CCDC85A: variants seen among roughly 807,000 people sequenced by gnomAD.
The protein encoded by CCDC85A is coiled-coil domain containing 85A, also known as coiled-coil domain-containing protein 85A.
CCDC85A carries 38 observed loss-of-function variants against 50.2 expected under a neutral mutation model. The observed-to-expected ratio is 0.76, with a 90% CI of 0.58 to 0.99. The LOEUF is 0.99. Among genes scored for constraint, CCDC85A ranks in the 50% least tolerant of loss-of-function variants. The pLI is 0.00. For synonymous variants in CCDC85A, 366 were observed against 301.4 expected (o/e 1.21, Z -2.22); for missense variants, 820 against 742.0 (o/e 1.11, Z -1.22).
chr2:56,233,355 G>A (rs1007153764), intron 2 of CCDC85A, among the ~76,000 whole-genome samples: 33 of 152,126 alleles, frequency 2.2e-4, no homozygotes, highest in East Asian at 1.9e-4. Context: ...TACCTTCCTT[G>A]TCTCATCCTT....
intron 3 of CCDC85A, among the ~76,000 whole-genome samples, chr2:56,351,379 G>T (rs10166224): frequency 0.034 from 5,072 of 147,940 alleles, 142 homozygotes; most frequent in African/African-American, 0.11. Flanking sequence ...TAATGGGATG[G>T]CTGGGTCAAA....
intron 2 of CCDC85A, among the ~76,000 whole-genome samples, chr2:56,276,217 C>T (rs1387446238): frequency 1.3e-5 from 2 of 152,060 alleles, no homozygotes; most frequent in Non-Finnish European, 2.9e-5. Flanking sequence ...AGGAATATGG[C>T]AATTTCAGGA....
At chr2:56,332,586 T>C (rs549190807) in intron 2 of CCDC85A, among the ~76,000 whole-genome samples, 48 of 152,214 alleles carry the variant, frequency 3.2e-4, no homozygotes, top group South Asian at 1.0e-3. Flanking sequence ...ACTCAGGCCA[T>C]AGCACTCCCC....
chr2:56,352,081 A>G (rs1268608497), intron 3 of CCDC85A, among the ~76,000 whole-genome samples: 1 of 152,152 alleles, frequency 6.6e-6, no homozygotes. Context: ...GGCACTTTTC[A>G]TTTAAAAGTT....
chr2:56,270,384 G>A (rs1287140736), intron 2 of CCDC85A, among the ~76,000 whole-genome samples: 1 of 152,154 alleles, frequency 6.6e-6, no homozygotes, highest in African/African-American at 2.4e-5. Context: ...CATGTAGAAT[G>A]TTGCCACTAG....
intron 2 of CCDC85A, among the ~76,000 whole-genome samples, chr2:56,193,816 A>G (rs1289023261): frequency 6.6e-6 from 1 of 152,198 alleles, no homozygotes; most frequent in African/African-American, 2.4e-5. Context: ...GTTTCCTACC[A>G]GAGCTTGTTT....
chr2:56,291,463 A>G (rs1671699414), intron 2 of CCDC85A, among the ~76,000 whole-genome samples: 1 of 152,232 alleles, frequency 6.6e-6, no homozygotes, highest in African/African-American at 2.4e-5. Context: ...CAGAGAAAAT[A>G]GCAGTGTGGG....
At chr2:56,284,085 T>C (rs185217129) in intron 2 of CCDC85A, among the ~76,000 whole-genome samples, 6 of 152,278 alleles carry the variant, frequency 3.9e-5, no homozygotes, top group Non-Finnish European at 7.4e-5. Flanking sequence ...ATTCATTACT[T>C]TCTATTTCCC....
rs1460920337 is a variant in CCDC85A at position 56,297,036 on chromosome 2, A to G, written c.1241-45843A>G. ...ATTGTATATCGGGGTTAGTCATTTC[A>G]TTCTGAGTTCTGAAAAATGAACATG... On this transcript the variant is annotated intron_variant, in intron 2 of 5. Coordinates refer to ENST00000407595, the MANE Select transcript of CCDC85A (RefSeq NM_001080433.2). Among the ~76,000 whole-genome samples, 4 of 152,180 alleles carry G rather than the reference A, an allele frequency of 2.6e-5. No individual in the cohort carries two copies. The East Asian group carries it at 5.8e-4, about 22-fold the overall frequency.
At chr2:56,341,322 T>G (rs1445098308) in intron 2 of CCDC85A, among the ~76,000 whole-genome samples, 1 of 152,168 alleles carries the variant, frequency 6.6e-6, no homozygotes, top group Non-Finnish European at 1.5e-5. Flanking sequence ...TTGGGTTGAC[T>G]GCAACTAATT....
At chr2:56,325,759 T>G (rs534890043) in intron 2 of CCDC85A, among the ~76,000 whole-genome samples, 1 of 152,224 alleles carries the variant, frequency 6.6e-6, no homozygotes, top group African/African-American at 2.4e-5. Flanking sequence ...CTTGTGAAAT[T>G]TTTTGCACAC....
intron 2 of CCDC85A, among the ~76,000 whole-genome samples, chr2:56,296,306 T>C (rs1008545900): frequency 6.6e-6 from 1 of 152,192 alleles, no homozygotes; most frequent in African/African-American, 2.4e-5. Flanking sequence ...CTTTTTGCCC[T>C]ACTGTGCCAG....
chr2:56,349,942 G>T (rs1017246070), intron 3 of CCDC85A, among the ~76,000 whole-genome samples: 8 of 151,460 alleles, frequency 5.3e-5, no homozygotes, highest in Non-Finnish European at 7.4e-5. Flanking sequence ...CTTAGGTTTG[G>T]CTATATAGTA....
At chr2:56,238,455 T>C (rs1013886436) in intron 2 of CCDC85A, among the ~76,000 whole-genome samples, 1 of 152,082 alleles carries the variant, frequency 6.6e-6, no homozygotes, top group Admixed American at 6.6e-5. Flanking sequence ...GTTCATTTTT[T>C]TAAATTAAAA....
intron 2 of CCDC85A, among the ~76,000 whole-genome samples, chr2:56,297,408 T>A (rs1436734569): frequency 2.0e-5 from 3 of 150,026 alleles, no homozygotes; most frequent in Non-Finnish European, 1.5e-5. Flanking sequence ...TTTTTTTTTT[T>A]AATTGTGTGA....
At position 56,321,173 on chromosome 2, in the gene CCDC85A, C is replaced by T. The variant is rs558985198; in HGVS notation, c.1241-21706C>T. Among the ~76,000 whole-genome samples the T allele has an allele frequency of 2.6e-5, 4 of 152,246 alleles. No individual in the cohort carries two copies. The South Asian group carries it at 8.3e-4, about 32-fold the overall frequency. On this transcript the variant is annotated intron_variant, in intron 2 of 5. Coordinates refer to ENST00000407595, the MANE Select transcript of CCDC85A (RefSeq NM_001080433.2). The stretch of plus-strand genomic sequence containing the variant: ...AGAAGAGCTATTTATGACAAACCCA[C>T]AGCCAATATCATACTGAATGGGCAA...
In CCDC85A at chr2:56,275,130, C is replaced by CG. The variant is rs200709824; in HGVS notation, c.1241-67742dup. On this transcript the variant is annotated intron_variant, in intron 2 of 5. Transcript: ENST00000407595. ...ACTTTTTGTTGTTGTTAGTGGGGGT[C>CG]GGGGGGGAATTATTCAGTTCACAGA... is the stretch of plus-strand genomic sequence containing the variant. Among the ~76,000 whole-genome samples, 1,261 of 151,822 alleles carry CG rather than the reference C, an allele frequency of 8.3e-3. 27 individuals carry two copies. Among genetic ancestry groups the CG allele is most frequent in the African/African-American group, 0.028 (1,178 of 41,370 alleles).
At chr2:56,213,437 C>T (rs555667699) in intron 2 of CCDC85A, among the ~76,000 whole-genome samples, 1 of 152,122 alleles carries the variant, frequency 6.6e-6, no homozygotes, top group Non-Finnish European at 1.5e-5. Context: ...TTGTGATCCA[C>T]AATCTTGTTT....
rs1254642012 is a variant in CCDC85A, at chr2:56,385,860, C to T, written c.*1505C>T. The T allele has an allele frequency of 6.6e-6, 1 of 151,442 alleles. No individual in the cohort carries two copies. The highest frequency in any genetic ancestry group is 1.5e-5 in the Non-Finnish European group (1 of 67,696). 9.4% of individuals were successfully genotyped at this position (151,442 alleles called of 1,614,324 possible). A position where few individuals can be genotyped will look rare whatever the true frequency, so the allele number is the denominator to read the frequency against. On this transcript the variant is annotated 3_prime_UTR_variant, in exon 6 of 6. Transcript: ENST00000407595. ...CATAATTGGGTTACAATTTAAGCTC[C>T]CCTTTTAAATGTTATATTTTAAAAT...
Sources: allele counts gnomAD v4.1 joint callset (sites outside exome capture counted in the v4.1 genomes callset), GRCh38; gene constraint gnomAD v4.1.1; transcripts MANE v1.5; gene names NCBI Gene and HGNC (gene_info 2026-07-23, HGNC 2026-07-21).